Variants in ZNF383 observed in about 807,000 individuals in gnomAD.
ZNF383 encodes zinc finger protein 383.
A neutral mutation model predicts 44.2 loss-of-function variants in ZNF383; 32 were observed. The ratio of observed to expected loss-of-function variants is 0.72; its 90% CI spans 0.55 to 0.97. The LOEUF (loss-of-function observed/expected upper bound fraction) is 0.97, where lower values mean the gene tolerates loss of function less well. ZNF383 is among the 50% of genes least tolerant of loss of function. The pLI is 0.00. For synonymous variants in ZNF383, 155 were observed against 186.2 expected (o/e 0.83, Z 1.36); for missense variants, 487 against 562.5 (o/e 0.87, Z 1.36).
chr19:37,221,253 G>C (rs1326252639), intron 1 of ZNF383, among the ~76,000 whole-genome samples: 1 of 152,140 alleles, frequency 6.6e-6, no homozygotes, highest in African/African-American at 2.4e-5. Context: ...TGAATCTGCT[G>C]ATACCATGAT....
chr19:37,236,075 G>C lies in ZNF383; in HGVS notation c.232+1G>C. 2 of 1,611,676 alleles carry C rather than the reference G, an allele frequency of 1.2e-6. No individual in the cohort carries two copies. The highest frequency in any genetic ancestry group is 1.7e-6 in the Non-Finnish European group (2 of 1,178,798). On this transcript the variant is annotated splice_donor_variant, in intron 5 of 5. Coordinates refer to ENST00000684119, the MANE Select transcript of ZNF383 (RefSeq NM_001387601.1). LOFTEE classifies it high-confidence loss of function. Reference sequence around the variant, plus strand: ...GAGCTTACAAGAGGCCTGTGTTCAGGTAAGTGAGAAATGACCGGACAGGAG... The same window carrying C: ...GAGCTTACAAGAGGCCTGTGTTCAGCTAAGTGAGAAATGACCGGACAGGAG...
At chr19:37,222,067 A>G (rs1299362922) in intron 1 of ZNF383, among the ~76,000 whole-genome samples, 1 of 152,106 alleles carries the variant, frequency 6.6e-6, no homozygotes, top group South Asian at 2.1e-4. Flanking sequence ...CAGTTCACTC[A>G]CTACCCACTT....
chr19:37,228,910 A>AT (rs1463005507), intron 2 of ZNF383, among the ~76,000 whole-genome samples: 3 of 151,922 alleles, frequency 2.0e-5, no homozygotes, highest in Non-Finnish European at 4.4e-5. Context: ...CTTTATAACA[A>AT]TTTTTTTCTT....
At chr19:37,228,555 G>A (rs1973296467) in intron 2 of ZNF383, among the ~76,000 whole-genome samples, 1 of 151,970 alleles carries the variant, frequency 6.6e-6, no homozygotes, top group Non-Finnish European at 1.5e-5. Context: ...TATGCAATAA[G>A]CTCTCATTTG....
At chr19:37,237,798 C>T (rs922202386) in intron 5 of ZNF383, among the ~76,000 whole-genome samples, 1 of 151,916 alleles carries the variant, frequency 6.6e-6, no homozygotes, top group African/African-American at 2.4e-5. Context: ...CACCGAAACC[C>T]ATCCTTGAGG....
rs1156892449 is a variant in ZNF383 at position 37,246,975 on chromosome 19, A to C, written c.*3311A>C. On this transcript the variant is annotated 3_prime_UTR_variant, in exon 6 of 6. Coordinates refer to ENST00000684119, the MANE Select transcript of ZNF383 (RefSeq NM_001387601.1). Reference sequence around the variant, plus strand: ...AAGCAGTACAATAGGATAACCATCAAATATCTGATTATTAATTCAATATTC... The same window carrying C: ...AAGCAGTACAATAGGATAACCATCACATATCTGATTATTAATTCAATATTC... 1 of 152,198 alleles carries C rather than the reference A, an allele frequency of 6.6e-6. No individual in the cohort carries two copies. Among genetic ancestry groups the C allele is most frequent in the Non-Finnish European group, 1.5e-5 (1 of 68,038 alleles). The allele number at this position is 152,198 out of a possible 1,614,324, so 9.4% of individuals were successfully genotyped here.
intron 3 of ZNF383, among the ~76,000 whole-genome samples, chr19:37,232,923 T>A (rs531627228): frequency 6.6e-6 from 1 of 152,302 alleles, no homozygotes; most frequent in East Asian, 1.9e-4. Flanking sequence ...ACACGTATTA[T>A]TCTCTTTTAT....
At chr19:37,219,538 A>G (rs940703187) in intron 1 of ZNF383, 19 of 152,914 alleles carry the variant, frequency 1.2e-4, no homozygotes, top group Admixed American at 3.9e-4. Context: ...TACAGGCGTG[A>G]GCCACCACGC....
chr19:37,236,636 C>A lies in ZNF383; in HGVS notation c.232+562C>A, dbSNP rs556482278. On this transcript the variant is annotated intron_variant, in intron 5 of 5. Transcript: ENST00000684119. ...CTCAGGCTGGAGTGCAGGGTGCGAT[C>A]TTGGTTCACTGCAACCTCTGCCTCC... Among the ~76,000 whole-genome samples, 388 of 150,520 alleles carry A rather than the reference C, an allele frequency of 2.6e-3. 2 individuals carry two copies. The highest frequency in any genetic ancestry group is 9.1e-3 in the African/African-American group (371 of 40,784).
At chr19:37,237,011 A>C (rs1973847191) in intron 5 of ZNF383, among the ~76,000 whole-genome samples, 1 of 151,520 alleles carries the variant, frequency 6.6e-6, no homozygotes, top group Admixed American at 6.6e-5. Context: ...ACACACACAC[A>C]CACCCCTTGC....
intron 2 of ZNF383, chr19:37,226,420 G>A (rs1429525045): frequency 6.6e-6 from 1 of 152,184 alleles, no homozygotes; most frequent in Non-Finnish European, 1.5e-5. Flanking sequence ...GGACAAATGT[G>A]TAATGACATT....
chr19:37,242,440 A>G, intron 5 of ZNF383, 29 bp from the exon 6 acceptor site: 1 of 1,438,534 alleles, frequency 7.0e-7, no homozygotes, highest in Non-Finnish European at 9.5e-7. Context: ...ATAGGAAAAA[A>G]GAACATTTAC....
At chr19:37,219,337 C>T (rs1294234485) in intron 1 of ZNF383, 2 of 152,852 alleles carry the variant, frequency 1.3e-5, no homozygotes, top group Admixed American at 6.5e-5. Context: ...CTCACCGCAA[C>T]CTCCGCCTCC....
rs1199580037 is a variant in ZNF383, at chr19:37,244,671, G to A, written c.*1007G>A. 2 of 152,128 alleles carry A rather than the reference G, an allele frequency of 1.3e-5. No individual in the cohort carries two copies. The highest frequency in any genetic ancestry group is 2.9e-5 in the Non-Finnish European group (2 of 68,032). The allele number at this position is 152,128 out of a possible 1,614,324, so 9.4% of individuals were successfully genotyped here. On this transcript the variant is annotated 3_prime_UTR_variant, in exon 6 of 6. Transcript: ENST00000684119. ...TGGGATTACAGGCGTGAGCCACTGC[G>A]GCCGGTCTTTTTATTTTACAAATGT...
rs1196418627 is a variant in ZNF383 at position 37,243,757 on chromosome 19, T to C, written c.*93T>C. ...TTCCGTAGTTTTTTTTAAAACTTTG[T>C]ATTTAAATTTTGTATCCAAATGTAT... On this transcript the variant is annotated 3_prime_UTR_variant, in exon 6 of 6. Transcript: ENST00000684119. 4.6e-6 allele frequency: 4 copies of C among 874,300 alleles called. No individual in the cohort carries two copies. The East Asian group carries it at 8.1e-5, about 18-fold the overall frequency. The allele number at this position is 874,300 out of a possible 1,614,324, so 54.2% of individuals were successfully genotyped here.
chr19:37,231,148 G>C (rs901979911), intron 3 of ZNF383, among the ~76,000 whole-genome samples: 12 of 152,222 alleles, frequency 7.9e-5, no homozygotes, highest in African/African-American at 2.9e-4. Flanking sequence ...GGATCACACT[G>C]TCAGAGCTCA....
intron 3 of ZNF383, among the ~76,000 whole-genome samples, chr19:37,232,137 A>T (rs959264279): frequency 6.6e-6 from 1 of 150,620 alleles, no homozygotes; most frequent in Non-Finnish European, 1.5e-5. Context: ...GTGCAGTGGC[A>T]CGATCTCGGC....
chr19:37,234,756 G>A (rs1045962269), intron 3 of ZNF383, among the ~76,000 whole-genome samples: 4 of 152,136 alleles, frequency 2.6e-5, no homozygotes, highest in Non-Finnish European at 4.4e-5. Context: ...ATAATAATTT[G>A]ACGTGCAAGT....
chr19:37,237,701 T>G (rs1973885389), intron 5 of ZNF383, among the ~76,000 whole-genome samples: 1 of 152,096 alleles, frequency 6.6e-6, no homozygotes, highest in South Asian at 2.1e-4. Context: ...GGCACTGTCA[T>G]CTGATGAGGG....
Sources: allele counts gnomAD v4.1 joint callset (sites outside exome capture counted in the v4.1 genomes callset), GRCh38; gene constraint gnomAD v4.1.1; transcripts MANE v1.5; gene names NCBI Gene and HGNC (gene_info 2026-07-23, HGNC 2026-07-21).